UBXN7: variants seen among roughly 807,000 people sequenced by gnomAD.
The protein encoded by UBXN7 is UBX domain-containing protein 7.
In UBXN7, 9 loss-of-function variants were observed where a neutral mutation model predicts 58.0. The ratio of observed to expected loss-of-function variants is 0.16; its 90% CI spans 0.09 to 0.27. The LOEUF (loss-of-function observed/expected upper bound fraction) is 0.27, where lower values mean the gene tolerates loss of function less well. UBXN7 is among the 10% of genes least tolerant of loss of function. UBXN7 has a pLI of 1.00. For synonymous variants in UBXN7, 208 were observed against 205.0 expected (o/e 1.01, Z -0.12); for missense variants, 328 against 599.6 (o/e 0.55, Z 4.73).
chr3:196,362,763 T>G, intron 8 of UBXN7, 76 bp from the exon 9 acceptor site: 1 of 1,495,210 alleles, frequency 6.7e-7, no homozygotes, highest in Non-Finnish European at 8.9e-7. Context: ...ATAAGAAATA[T>G]AATAGCTTGC....
At chr3:196,411,479 A>C (rs919283834) in intron 1 of UBXN7, among the ~76,000 whole-genome samples, 1 of 152,230 alleles carries the variant, frequency 6.6e-6, no homozygotes. Flanking sequence ...CATGGATTTA[A>C]GATAAATTTA....
At chr3:196,382,228 G>T (rs554160086) in intron 5 of UBXN7, among the ~76,000 whole-genome samples, 1 of 152,126 alleles carries the variant, frequency 6.6e-6, no homozygotes, top group Admixed American at 6.5e-5. Context: ...AAGTGTTAAG[G>T]GCAGCCAGAG....
intron 5 of UBXN7, among the ~76,000 whole-genome samples, chr3:196,390,870 A>T (rs1321788209): frequency 6.6e-6 from 1 of 152,212 alleles, no homozygotes; most frequent in Non-Finnish European, 1.5e-5. Context: ...GAGTATCTAA[A>T]ATCTTTACTA....
At chr3:196,369,578 T>C in intron 6 of UBXN7, 67 bp from the exon 7 acceptor site, 7 of 1,143,036 alleles carry the variant, frequency 6.1e-6, no homozygotes, top group Non-Finnish European at 9.0e-6. Context: ...AACCTTCTTA[T>C]ACACCAACAT....
intron 8 of UBXN7, among the ~76,000 whole-genome samples, chr3:196,365,611 C>CG (rs143779333): frequency 1.3e-5 from 2 of 151,800 alleles, no homozygotes; most frequent in African/African-American, 4.8e-5. Context: ...GCCAGACAGT[C>CG]GGGGGAAAAA....
intron 5 of UBXN7, among the ~76,000 whole-genome samples, chr3:196,390,043 C>G (rs771697525): frequency 1.3e-5 from 2 of 151,988 alleles, no homozygotes; most frequent in Admixed American, 1.3e-4. Context: ...CACAGCAAGA[C>G]CCCCTCTCCA....
chr3:196,426,385 C>CA (rs58979892), intron 1 of UBXN7, among the ~76,000 whole-genome samples: 67,830 of 113,864 alleles, frequency 0.6, 18,700 homozygotes, highest in East Asian at 0.84. Flanking sequence ...GACTTCGTCT[C>CA]AAAAAAAAAA....
Position 196,431,953 on chromosome 3 carries a change from G to C in UBXN7, c.73+374C>G, listed in dbSNP as rs1294731449. On this transcript the variant is annotated intron_variant, in intron 1 of 10. Coordinates refer to ENST00000296328, the MANE Select transcript of UBXN7 (RefSeq NM_015562.2). Reference sequence around the variant, plus strand: ...GCACCGCACCGCAGGGCTGCACAGAGAAGGGAAGATGATGAAGGAGGAGGA... The same window carrying C: ...GCACCGCACCGCAGGGCTGCACAGACAAGGGAAGATGATGAAGGAGGAGGA... 7.0e-6 allele frequency: 3 copies of C among 427,450 alleles called. No individual in the cohort carries two copies. In the East Asian group the frequency reaches 1.5e-4, roughly 22 times the overall value. The allele number at this position is 427,450 out of a possible 1,614,324, so 26.5% of individuals were successfully genotyped here. A position where few individuals can be genotyped will look rare whatever the true frequency, so the allele number is the denominator to read the frequency against.
At chr3:196,378,106 G>A (rs572013122) in intron 5 of UBXN7, among the ~76,000 whole-genome samples, 5 of 152,000 alleles carry the variant, frequency 3.3e-5, no homozygotes, top group South Asian at 2.1e-4. Flanking sequence ...TTTGTTTTAC[G>A]TTATTTGTTT....
rs895980449 is a variant in UBXN7, at chr3:196,368,082, T to C, written c.780A>G (p.Glu260=). The C allele has an allele frequency of 1.9e-6, 3 of 1,614,030 alleles. No homozygotes were observed. The highest frequency in any genetic ancestry group is 2.7e-5 in the African/African-American group (2 of 74,938). Reference sequence around the variant, plus strand: ...TAGAAAGTCCATCCAGTTGTCCATGTTCACCCAGAAATCCCGTCACTTGGT... The same window carrying C: ...TAGAAAGTCCATCCAGTTGTCCATGCTCACCCAGAAATCCCGTCACTTGGT... ...FLDQVTGFLG[E]HGQLDGLSSS... is the part of the protein sequence containing the mutation. Residue 260 remains glutamate (E), a synonymous_variant, in exon 8 of 11, where the codon GAA becomes GAG. Coordinates refer to ENST00000296328, the MANE Select transcript of UBXN7 (RefSeq NM_015562.2).
chr3:196,367,933 G>A, intron 8 of UBXN7, 95 bp downstream of exon 8: 1 of 1,501,120 alleles, frequency 6.7e-7, no homozygotes, highest in East Asian at 2.3e-5. Context: ...CCACTAGTTA[G>A]ATTATCTTTA....
intron 3 of UBXN7, among the ~76,000 whole-genome samples, chr3:196,395,756 C>A (rs892934246): frequency 1.3e-5 from 2 of 151,774 alleles, no homozygotes; most frequent in Non-Finnish European, 2.9e-5. Flanking sequence ...CCATGCCCAG[C>A]CTGAATTAAT....
At chr3:196,424,788 C>T (rs1437117615) in intron 1 of UBXN7, among the ~76,000 whole-genome samples, 2 of 151,096 alleles carry the variant, frequency 1.3e-5, no homozygotes, top group African/African-American at 2.4e-5. Context: ...CTGCAACCTC[C>T]GCCTTCCAGG....
chr3:196,419,274 A>G (rs184417248), intron 1 of UBXN7, among the ~76,000 whole-genome samples: 4 of 151,986 alleles, frequency 2.6e-5, no homozygotes, highest in Non-Finnish European at 4.4e-5. Flanking sequence ...ACAGAGCAAG[A>G]CCCTGTCTCT....
At chr3:196,404,065 T>C (rs1420248037) in intron 2 of UBXN7, among the ~76,000 whole-genome samples, 3 of 145,422 alleles carry the variant, frequency 2.1e-5, no homozygotes, top group South Asian at 2.2e-4. Flanking sequence ...CTTGGCAACA[T>C]AGTAAGACTC....
intron 10 of UBXN7, among the ~76,000 whole-genome samples, chr3:196,358,268 T>C (rs142134029): frequency 1.7e-3 from 262 of 152,308 alleles, no homozygotes; most frequent in African/African-American, 6.1e-3. Flanking sequence ...TTAAACACTT[T>C]GCAGTTCCAG....
chr3:196,366,672 G>C (rs1728676264), intron 8 of UBXN7, among the ~76,000 whole-genome samples: 1 of 152,048 alleles, frequency 6.6e-6, no homozygotes, highest in African/African-American at 2.4e-5. Flanking sequence ...CGGGAGGATT[G>C]CTTGAGGCCA....
intron 1 of UBXN7, among the ~76,000 whole-genome samples, chr3:196,421,603 C>G (rs905534928): frequency 2.6e-5 from 4 of 151,630 alleles, no homozygotes; most frequent in East Asian, 1.9e-4. Context: ...AACCCCCCCC[C>G]AGTCTCTAGT....
intron 1 of UBXN7, chr3:196,414,763 G>C (rs1730429304): frequency 6.6e-6 from 1 of 152,052 alleles, no homozygotes; most frequent in South Asian, 2.1e-4. Flanking sequence ...CTGTCTCTCA[G>C]ACTTTAAAAG....
Sources: allele counts gnomAD v4.1 joint callset (sites outside exome capture counted in the v4.1 genomes callset), GRCh38; gene constraint gnomAD v4.1.1; transcripts MANE v1.5; gene names NCBI Gene and HGNC (gene_info 2026-07-23, HGNC 2026-07-21).